TECPR2: variants seen among roughly 807,000 people sequenced by gnomAD.
The protein encoded by TECPR2 is tectonin beta-propeller repeat containing 2.
Under a neutral mutation model 138.1 loss-of-function variants are expected in TECPR2, and 65 were observed. That is an observed-to-expected ratio of 0.47 (90% CI 0.39 to 0.58). The LOEUF is 0.58. Ranked by LOEUF, TECPR2 falls within the 20% of genes least tolerant of loss-of-function variation. TECPR2 has a pLI of 0.00. For synonymous variants in TECPR2, 746 were observed against 749.8 expected (o/e 0.99, Z 0.08); for missense variants, 1,553 against 1,824.5 (o/e 0.85, Z 2.71).
intron 2 of TECPR2, among the ~76,000 whole-genome samples, chr14:102,392,536 C>G (rs1888205818): frequency 6.6e-6 from 1 of 152,132 alleles, no homozygotes; most frequent in South Asian, 2.1e-4. Flanking sequence ...TCTTTGCTTA[C>G]ATTTCAGTTT....
At chr14:102,494,132 A>G (rs192046240) in intron 17 of TECPR2, among the ~76,000 whole-genome samples, 9 of 152,264 alleles carry the variant, frequency 5.9e-5, no homozygotes, top group African/African-American at 2.2e-4. Flanking sequence ...AGGCTTCCAG[A>G]GCCTGTGCCT....
intron 11 of TECPR2, among the ~76,000 whole-genome samples, chr14:102,442,318 G>A (rs12436740): frequency 0.19 from 28,324 of 152,238 alleles, 3,270 homozygotes; most frequent in Non-Finnish European, 0.27. Context: ...CTGGGGATGA[G>A]TCTTCAGGTT....
At chr14:102,475,278 A>C (rs1595143815) in intron 17 of TECPR2, among the ~76,000 whole-genome samples, 1 of 152,302 alleles carries the variant, frequency 6.6e-6, no homozygotes, top group East Asian at 1.9e-4. Context: ...ATAGGCACTG[A>C]GCAGAAGGCA....
intron 2 of TECPR2, among the ~76,000 whole-genome samples, chr14:102,389,327 A>G (rs1180508907): frequency 6.6e-6 from 1 of 152,152 alleles, no homozygotes; most frequent in Non-Finnish European, 1.5e-5. Flanking sequence ...CTCTGTCTTA[A>G]TAAATACATA....
At chr14:102,464,821 G>A (rs188525520) in intron 16 of TECPR2, among the ~76,000 whole-genome samples, 3 of 152,170 alleles carry the variant, frequency 2.0e-5, no homozygotes, top group African/African-American at 4.8e-5. Flanking sequence ...CCCAGGGCTC[G>A]GTGGTTCAGG....
chr14:102,493,573 T>C (rs943448104), intron 17 of TECPR2, among the ~76,000 whole-genome samples: 3 of 152,182 alleles, frequency 2.0e-5, no homozygotes, highest in Non-Finnish European at 4.4e-5. Flanking sequence ...TTAAGCTAAG[T>C]TCAGAGGGAA....
At chr14:102,446,075 T>G in intron 13 of TECPR2, 128 bp downstream of exon 13, 1 of 1,220,750 alleles carries the variant, frequency 8.2e-7, no homozygotes, top group Non-Finnish European at 1.1e-6. Flanking sequence ...ATTATTTGTT[T>G]GTTTGTTTTG....
chr14:102,478,318 G>A (rs1890812595), intron 17 of TECPR2, among the ~76,000 whole-genome samples: 1 of 152,004 alleles, frequency 6.6e-6, no homozygotes, highest in Admixed American at 6.6e-5. Flanking sequence ...CAAAGTACTG[G>A]GATTACAGAT....
At chr14:102,405,310 A>G (rs988597064) in intron 2 of TECPR2, among the ~76,000 whole-genome samples, 1 of 152,180 alleles carries the variant, frequency 6.6e-6, no homozygotes, top group Non-Finnish European at 1.5e-5. Context: ...CTCCATCTCA[A>G]AAAGAAACAA....
intron 17 of TECPR2, among the ~76,000 whole-genome samples, chr14:102,476,067 C>T (rs1472927880): frequency 1.3e-5 from 2 of 151,920 alleles, no homozygotes; most frequent in African/African-American, 2.4e-5. Flanking sequence ...ATTAGCCAAG[C>T]GTGGTGGCAC....
chr14:102,390,880 T>G (rs1888151843), intron 2 of TECPR2, among the ~76,000 whole-genome samples: 1 of 151,958 alleles, frequency 6.6e-6, no homozygotes, highest in African/African-American at 2.4e-5. Flanking sequence ...AAATAATAAA[T>G]TGGCTTTCCA....
At chr14:102,410,424 C>T (rs1271225782) in intron 4 of TECPR2, among the ~76,000 whole-genome samples, 3 of 150,212 alleles carry the variant, frequency 2.0e-5, no homozygotes, top group Non-Finnish European at 4.4e-5. Flanking sequence ...CCTGCCAAAT[C>T]CCCCTCTGTG....
rs1889504906 is a variant in TECPR2, at chr14:102,431,951, A to G, written c.1240A>G (p.Asn414Asp). Residue 414 changes from asparagine (N) to aspartate (D), a missense_variant, in exon 8 of 20, where the codon AAC becomes GAC. Transcript: ENST00000359520. ...SEPRSRSSSL[N>D]STDSGSGLLP... ...GCCAAGGAGCAGGAGCAGCTCGCTC[A>G]ACTCCACCGACAGCGGCTCCGGGCT... is the stretch of plus-strand genomic sequence containing the variant. The G allele has an allele frequency of 1.2e-6, 2 of 1,612,808 alleles. No homozygotes were observed. Among genetic ancestry groups the G allele is most frequent in the South Asian group, 2.2e-5 (2 of 91,050 alleles).
chr14:102,467,958 T>A (rs1201879040), intron 17 of TECPR2, among the ~76,000 whole-genome samples: 7 of 151,556 alleles, frequency 4.6e-5, no homozygotes, highest in Admixed American at 3.9e-4. Flanking sequence ...TGCCTCAGCC[T>A]GCTGAGTAGC....
chr14:102,491,140 C>T (rs897316758), intron 17 of TECPR2, among the ~76,000 whole-genome samples: 1 of 152,030 alleles, frequency 6.6e-6, no homozygotes, highest in Non-Finnish European at 1.5e-5. Context: ...ATGATCCACC[C>T]GCCTGGGCCT....
intron 17 of TECPR2, among the ~76,000 whole-genome samples, chr14:102,486,516 G>A (rs1221283155): frequency 6.6e-6 from 1 of 152,188 alleles, no homozygotes; most frequent in Non-Finnish European, 1.5e-5. Context: ...AGCCAGATGT[G>A]TTCAACAAGT....
intron 1 of TECPR2, among the ~76,000 whole-genome samples, chr14:102,374,279 T>C (rs1887588451): frequency 6.6e-6 from 1 of 152,232 alleles, no homozygotes; most frequent in Admixed American, 6.5e-5. Context: ...GAAACTTCTC[T>C]AGTAATGAAC....
intron 2 of TECPR2, among the ~76,000 whole-genome samples, chr14:102,399,595 C>T (rs888962603): frequency 1.3e-5 from 2 of 152,026 alleles, no homozygotes; most frequent in African/African-American, 4.8e-5. Flanking sequence ...CTTTGGGAGG[C>T]CGAGGTGGGT....
chr14:102,436,827 G>A (rs1184363718), intron 9 of TECPR2, among the ~76,000 whole-genome samples: 1 of 152,182 alleles, frequency 6.6e-6, no homozygotes. Flanking sequence ...CTCAGGTGAG[G>A]GTACTGAGCA....
Sources: allele counts gnomAD v4.1 joint callset (sites outside exome capture counted in the v4.1 genomes callset), GRCh38; gene constraint gnomAD v4.1.1; transcripts MANE v1.5; gene names NCBI Gene and HGNC (gene_info 2026-07-23, HGNC 2026-07-21).